COL13A1: variants seen among roughly 807,000 people sequenced by gnomAD.
COL13A1 encodes collagen type XIII alpha 1 chain, also known as collagen alpha-1(XIII) chain.
Under a neutral mutation model 130.9 loss-of-function variants are expected in COL13A1, and 89 were observed. That is an observed-to-expected ratio of 0.68 (90% CI 0.57 to 0.81). The LOEUF is 0.81. COL13A1 is among the 30% of genes least tolerant of loss of function. COL13A1 has a pLI of 0.00. For synonymous variants in COL13A1, 402 were observed against 341.6 expected (o/e 1.18, Z -1.95); for missense variants, 879 against 934.6 (o/e 0.94, Z 0.78).
chr10:69,895,800 G>A (rs543217897), intron 13 of COL13A1, among the ~76,000 whole-genome samples: 46 of 152,282 alleles, frequency 3.0e-4, no homozygotes, highest in African/African-American at 1.1e-3. Flanking sequence ...ATATGGAGCC[G>A]CTCATCACCC....
intron 34 of COL13A1, among the ~76,000 whole-genome samples, chr10:69,938,485 TC>T (rs932824418): frequency 4.1e-4 from 62 of 152,076 alleles, no homozygotes; most frequent in African/African-American, 1.4e-3. Flanking sequence ...TCACTGATGG[TC>T]CCAGAGAAGA....
At chr10:69,908,776 G>A (rs887510428) in intron 17 of COL13A1, among the ~76,000 whole-genome samples, 9 of 152,194 alleles carry the variant, frequency 5.9e-5, no homozygotes, top group African/African-American at 1.7e-4. Context: ...GAGCACTTCC[G>A]GTCCCCAGGA....
chr10:69,829,144 C>T (rs1848215868), intron 2 of COL13A1: 1 of 777,570 alleles, frequency 1.3e-6, no homozygotes, highest in Non-Finnish European at 1.6e-6. Flanking sequence ...GGCTGAACAC[C>T]ACCATTTCCC....
At chr10:69,878,009 T>C in intron 5 of COL13A1, 30 bp from the exon 6 acceptor site, 3 of 702,918 alleles carry the variant, frequency 4.3e-6, no homozygotes, top group Non-Finnish European at 7.8e-6. Flanking sequence ...TTTCCCTTCC[T>C]GCACCCTGTG....
intron 1 of COL13A1, among the ~76,000 whole-genome samples, chr10:69,813,811 A>T (rs902778066): frequency 1.3e-5 from 2 of 152,198 alleles, no homozygotes; most frequent in Admixed American, 1.3e-4. Flanking sequence ...TGGTGGAGCC[A>T]GCCCTCTCCT....
intron 3 of COL13A1, among the ~76,000 whole-genome samples, chr10:69,871,442 A>T (rs988490622): frequency 3.9e-5 from 6 of 152,336 alleles, no homozygotes; most frequent in South Asian, 2.1e-4. Context: ...GATGGCAACT[A>T]GTCCTGTCCC....
chr10:69,822,159 G>A (rs1327344417), intron 1 of COL13A1, among the ~76,000 whole-genome samples: 2 of 152,140 alleles, frequency 1.3e-5, no homozygotes, highest in African/African-American at 2.4e-5. Flanking sequence ...GACATCAGAC[G>A]CTGTGATTAC....
chr10:69,958,568 G>A, intron 40 of COL13A1, 131 bp from the exon 41 acceptor site: 1 of 1,421,210 alleles, frequency 7.0e-7, no homozygotes, highest in Non-Finnish European at 9.7e-7. Flanking sequence ...AGGGGCTCAG[G>A]GTTCCCACAG....
intron 1 of COL13A1, among the ~76,000 whole-genome samples, chr10:69,817,326 C>T (rs781364131): frequency 6.6e-6 from 1 of 151,710 alleles, no homozygotes; most frequent in Non-Finnish European, 1.5e-5. Context: ...CTGGCAGGCG[C>T]AGATGCAGAT....
At chr10:69,949,965 C>CATGTGTTT (rs1565161392) in intron 38 of COL13A1, among the ~76,000 whole-genome samples, 1 of 87,622 alleles carries the variant, frequency 1.1e-5, no homozygotes, top group South Asian at 3.4e-4. Flanking sequence ...TTTGTGTGTG[C>CATGTGTTT]GTGTGTGTGT....
intron 2 of COL13A1, among the ~76,000 whole-genome samples, chr10:69,828,810 T>C (rs1244335318): frequency 2.6e-5 from 4 of 152,194 alleles, no homozygotes; most frequent in Non-Finnish European, 5.9e-5. Context: ...ACAAGTAATT[T>C]GTCCTAAAAT....
intron 16 of COL13A1, 137 bp downstream of exon 16, chr10:69,905,096 T>G: frequency 1.0e-6 from 1 of 970,124 alleles, no homozygotes; most frequent in African/African-American, 1.7e-5. Flanking sequence ...TTGACCCACT[T>G]ACAAAACACC....
intron 2 of COL13A1, among the ~76,000 whole-genome samples, chr10:69,860,079 G>A (rs1857539546): frequency 6.6e-6 from 1 of 152,214 alleles, no homozygotes; most frequent in African/African-American, 2.4e-5. Flanking sequence ...GGCAGAGTCA[G>A]GGGGTCTGTA....
In COL13A1 at chr10:69,802,246, C is replaced by A; in HGVS notation, c.-178C>A. The A allele has an allele frequency of 2.8e-6, 2 of 706,112 alleles. No individual in the cohort carries two copies. Among genetic ancestry groups the A allele is most frequent in the Non-Finnish European group, 4.2e-6 (2 of 477,724 alleles). 43.7% of individuals were successfully genotyped at this position (706,112 alleles called of 1,614,324 possible). On this transcript the variant is annotated 5_prime_UTR_variant, in exon 1 of 41. Transcript: ENST00000645393. ...ATTACCGCTGGTTGTGCTTTTTCGGCACTTCCTCTCCTACTGCTAATTTTT... is the reference window on the plus strand; with the variant it reads ...ATTACCGCTGGTTGTGCTTTTTCGGAACTTCCTCTCCTACTGCTAATTTTT...
Position 69,902,800 on chromosome 10 carries a change from C to A in COL13A1, c.803C>A (p.Pro268His). 6.4e-7 allele frequency: 1 copy of A among 1,553,576 alleles called. No homozygotes were observed. Among genetic ancestry groups the A allele is most frequent in the Non-Finnish European group, 8.7e-7 (1 of 1,148,080 alleles). The change falls in exon 15 of 41, where the codon CCT becomes CAT. Residue 268 changes from proline (P) to histidine (H), a missense_variant. Coordinates refer to ENST00000645393, the MANE Select transcript of COL13A1 (RefSeq NM_001368882.1). ...GGTCCACCAGGGCCCCCAGGCCCCCCTGGACCAAGTGGACCTCTGGGGCAC... is the reference window on the plus strand; with the variant it reads ...GGTCCACCAGGGCCCCCAGGCCCCCATGGACCAAGTGGACCTCTGGGGCAC... ...IQGPPGPPGPPGPSGPLGHPG... is the reference protein window; with the variant it reads ...IQGPPGPPGPHGPSGPLGHPG...
intron 13 of COL13A1, among the ~76,000 whole-genome samples, chr10:69,896,842 G>A (rs895157097): frequency 1.3e-5 from 2 of 152,248 alleles, no homozygotes; most frequent in African/African-American, 4.8e-5. Context: ...AGGGATGCAG[G>A]GGCCCTGCTG....
At chr10:69,945,103 C>T (rs2068290058) in intron 36 of COL13A1, among the ~76,000 whole-genome samples, 1 of 152,160 alleles carries the variant, frequency 6.6e-6, no homozygotes, top group African/African-American at 2.4e-5. Context: ...CAGCCAGCCC[C>T]TGGGTTCTAC....
chr10:69,868,864 T>C (rs1321712423), intron 3 of COL13A1, among the ~76,000 whole-genome samples: 1 of 152,178 alleles, frequency 6.6e-6, no homozygotes, highest in South Asian at 2.1e-4. Context: ...GCACGTTTGG[T>C]GTGTCAGATC....
chr10:69,954,085 C>T (rs1037682270), intron 39 of COL13A1: 3 of 152,756 alleles, frequency 2.0e-5, no homozygotes, highest in African/African-American at 7.2e-5. Flanking sequence ...GTGTGTGATT[C>T]ATACTGGGTT....
Sources: gnomAD v4.1 joint callset for allele counts (sites outside exome capture counted in the v4.1 genomes callset) on GRCh38, gnomAD v4.1.1 for gene constraint, MANE v1.5 for transcripts, NCBI Gene and HGNC (gene_info 2026-07-23, HGNC 2026-07-21) for gene names.